Variants in FAM222A observed in about 807,000 individuals in gnomAD.
FAM222A encodes protein FAM222A.
In FAM222A, 7 loss-of-function variants were observed where a neutral mutation model predicts 25.8. That is an observed-to-expected ratio of 0.27 (90% CI 0.15 to 0.51). The LOEUF is 0.51. FAM222A is among the 20% of genes least tolerant of loss of function. The pLI is 0.97. For missense variants in FAM222A, 573 were observed against 640.5 expected (o/e 0.89, Z 1.14); for synonymous variants, 294 against 298.8 (o/e 0.98, Z 0.17).
intron 2 of FAM222A, among the ~76,000 whole-genome samples, chr12:109,755,662 A>G (rs1472193076): frequency 6.6e-6 from 1 of 152,172 alleles, no homozygotes; most frequent in African/African-American, 2.4e-5. Context: ...TGTGTACATC[A>G]TGAGGAAAGG....
chr12:109,725,832 C>G (rs778085434), intron 1 of FAM222A, among the ~76,000 whole-genome samples: 17 of 152,034 alleles, frequency 1.1e-4, no homozygotes, highest in Non-Finnish European at 2.5e-4. Context: ...TCAGCTGGTG[C>G]TGCTCCATGT....
chr12:109,757,076 C>G (rs1645767141), intron 2 of FAM222A, among the ~76,000 whole-genome samples: 3 of 152,118 alleles, frequency 2.0e-5, no homozygotes, highest in Admixed American at 6.6e-5. Context: ...TGATGTCTTT[C>G]TAGGAATTTG....
At chr12:109,763,321 C>T (rs1255948559) in intron 2 of FAM222A, among the ~76,000 whole-genome samples, 3 of 152,340 alleles carry the variant, frequency 2.0e-5, no homozygotes, top group South Asian at 4.1e-4. Flanking sequence ...CACCTACTGC[C>T]GTGTGACAAG....
chr12:109,744,419 C>T, intron 2 of FAM222A, 191 bp downstream of exon 2: 1 of 985,474 alleles, frequency 1.0e-6, no homozygotes, highest in Non-Finnish European at 1.2e-6. Flanking sequence ...CTTTGGCCAG[C>T]TCCTGTGGAG....
At chr12:109,720,469 C>A (rs1203975592) in intron 1 of FAM222A, among the ~76,000 whole-genome samples, 1 of 152,216 alleles carries the variant, frequency 6.6e-6, no homozygotes, top group Non-Finnish European at 1.5e-5. Flanking sequence ...GTGGCAGGGC[C>A]TCCTGGCATG....
intron 2 of FAM222A, among the ~76,000 whole-genome samples, chr12:109,753,736 G>T (rs927790154): frequency 7.3e-6 from 1 of 137,100 alleles, no homozygotes; most frequent in African/African-American, 2.7e-5. Flanking sequence ...CCCTCAGGAC[G>T]CCGACAGGCT....
chr12:109,728,906 T>A (rs554590032), intron 1 of FAM222A, among the ~76,000 whole-genome samples: 58 of 151,912 alleles, frequency 3.8e-4, no homozygotes, highest in African/African-American at 1.3e-3. Context: ...ACCGAACCCC[T>A]ACTATGCTCC....
chr12:109,743,512 C>G (rs187114890), intron 1 of FAM222A, among the ~76,000 whole-genome samples: 139 of 152,332 alleles, frequency 9.1e-4, no homozygotes, highest in Non-Finnish European at 1.7e-3. Flanking sequence ...GGGCTGGGCT[C>G]AGGGTGCAGC....
chr12:109,769,313 A>G lies in FAM222A; in HGVS notation c.*25A>G. On this transcript the variant is annotated 3_prime_UTR_variant, in exon 3 of 3. Coordinates refer to ENST00000538780, the MANE Select transcript of FAM222A (RefSeq NM_032829.3). ...AGGCCTGCCCTGCGGACATACGGAC[A>G]TGCGGACAGGGCGCAGAGCCGGGAG... The G allele has an allele frequency of 6.3e-7, 1 of 1,581,032 alleles. No homozygotes were observed. The highest frequency in any genetic ancestry group is 8.6e-7 in the Non-Finnish European group (1 of 1,163,654).
At chr12:109,729,086 A>G (rs1203120625) in intron 1 of FAM222A, among the ~76,000 whole-genome samples, 1 of 152,144 alleles carries the variant, frequency 6.6e-6, no homozygotes, top group Non-Finnish European at 1.5e-5. Flanking sequence ...TGGAAAACTC[A>G]GGTACCCGGG....
Position 109,769,273 on chromosome 12 carries a change from A to G in FAM222A, c.1344A>G (p.Leu448=), listed in dbSNP as rs150508057. The change falls in exon 3 of 3, where the codon CTA becomes CTG. Residue 448 remains leucine, a synonymous_variant. Coordinates refer to ENST00000538780, the MANE Select transcript of FAM222A (RefSeq NM_032829.3). ...ACCACCAGCATGCCCACATCCGCCTACCCGTCTACAGATAAGGCCTGCCCT... is the reference window on the plus strand; with the variant it reads ...ACCACCAGCATGCCCACATCCGCCTGCCCGTCTACAGATAAGGCCTGCCCT... ...LLDHQHAHIR[L]PVYR The G allele has an allele frequency of 1.3e-3, 2,102 of 1,609,966 alleles. 3 individuals carry two copies. The highest frequency in any genetic ancestry group is 1.6e-3 in the Non-Finnish European group (1,837 of 1,178,912).
At chr12:109,715,226 G>T (rs890992818) in intron 1 of FAM222A, among the ~76,000 whole-genome samples, 1 of 152,168 alleles carries the variant, frequency 6.6e-6, no homozygotes, top group African/African-American at 2.4e-5. Context: ...AGGGCTGGGG[G>T]GTGGGGGGCA....
intron 1 of FAM222A, among the ~76,000 whole-genome samples, chr12:109,717,830 C>T (rs537389395): frequency 6.6e-6 from 1 of 152,354 alleles, no homozygotes; most frequent in South Asian, 2.1e-4. Flanking sequence ...CGTCCATCCC[C>T]TGTCCCTTCT....
intron 2 of FAM222A, among the ~76,000 whole-genome samples, chr12:109,759,815 G>A (rs973206370): frequency 2.6e-5 from 4 of 152,210 alleles, no homozygotes; most frequent in Non-Finnish European, 5.9e-5. Context: ...CCTTGGAGCC[G>A]CCATCCATGG....
At chr12:109,743,636 C>T (rs946795385) in intron 1 of FAM222A, among the ~76,000 whole-genome samples, 3 of 152,220 alleles carry the variant, frequency 2.0e-5, no homozygotes, top group Non-Finnish European at 4.4e-5. Flanking sequence ...CTTCAGTAAC[C>T]TGGGACACCC....
At chr12:109,744,258 G>A (rs754645203) in intron 2 of FAM222A, 30 bp downstream of exon 2, 1 of 1,600,066 alleles carries the variant, frequency 6.2e-7, no homozygotes, top group East Asian at 2.3e-5. Context: ...AGCCTTTGCA[G>A]GGCAGGTCGT....
At chr12:109,747,390 C>A (rs1888431633) in intron 2 of FAM222A, among the ~76,000 whole-genome samples, 1 of 152,224 alleles carries the variant, frequency 6.6e-6, no homozygotes, top group Admixed American at 6.5e-5. Context: ...CCACCGTGCC[C>A]AGCCCTATAG....
intron 1 of FAM222A, among the ~76,000 whole-genome samples, chr12:109,741,090 G>A (rs1188828473): frequency 6.6e-6 from 1 of 152,206 alleles, no homozygotes; most frequent in African/African-American, 2.4e-5. Flanking sequence ...TAAGGCCAAG[G>A]AGGGGGATTT....
chr12:109,757,203 C>T (rs1391120996), intron 2 of FAM222A, among the ~76,000 whole-genome samples: 3 of 152,200 alleles, frequency 2.0e-5, no homozygotes, highest in Non-Finnish European at 4.4e-5. Flanking sequence ...ATATGTCATG[C>T]ATATAGACAG....
Sources: gnomAD v4.1 joint callset for allele counts (sites outside exome capture counted in the v4.1 genomes callset) on GRCh38, gnomAD v4.1.1 for gene constraint, MANE v1.5 for transcripts, NCBI Gene and HGNC (gene_info 2026-07-23, HGNC 2026-07-21) for gene names.